Variants in ATAD2 observed in about 807,000 individuals in gnomAD.
ATAD2 encodes the protein ATPase family AAA domain containing 2.
Under a neutral mutation model 168.9 loss-of-function variants are expected in ATAD2, and 62 were observed. That is an observed-to-expected ratio of 0.37 (90% CI 0.30 to 0.45). The LOEUF (loss-of-function observed/expected upper bound fraction) is 0.45, where lower values mean the gene tolerates loss of function less well. ATAD2 is among the 20% of genes least tolerant of loss of function. ATAD2 has a pLI of 1.00. For missense variants in ATAD2, 1,419 were observed against 1,667.8 expected, an observed-to-expected ratio of 0.85 and a Z score of 2.60; for synonymous variants, 613 against 571.6, an observed-to-expected ratio of 1.07 and a Z score of -1.03.
intron 1 of ATAD2, among the ~76,000 whole-genome samples, chr8:123,390,946 C>T (rs891390443): frequency 2.6e-5 from 4 of 151,870 alleles, no homozygotes; most frequent in East Asian, 1.9e-4. Context: ...CTTGAATCCA[C>T]GAGGCAGAGG....
Position 123,348,115 on chromosome 8 carries a change from CTAATA to C in ATAD2, c.1897+63_1897+67del, listed in dbSNP as rs781196581. ...AAACCACAATTACTTTTGCACCAACCTAATATAACTTGTTTCATATTTGAAATAAA... is the reference window on the plus strand; with the variant it reads ...AAACCACAATTACTTTTGCACCAACCTAACTTGTTTCATATTTGAAATAAA... On this transcript the variant is annotated intron_variant, in intron 15 of 27. Transcript: ENST00000287394. 8.1e-5 allele frequency: 105 copies of C among 1,293,248 alleles called. 1 individual carries two copies. In the South Asian group the frequency reaches 1.4e-3, roughly 17 times the overall value. The allele number at this position is 1,293,248 out of a possible 1,614,324, so 80.1% of individuals were successfully genotyped here. A position where few individuals can be genotyped will look rare whatever the true frequency, so the allele number is the denominator to read the frequency against.
chr8:123,398,692 A>T (rs1812959140), upstream of ATAD2, among the ~76,000 whole-genome samples: 1 of 151,628 alleles, frequency 6.6e-6, no homozygotes, highest in Non-Finnish European at 1.5e-5. Context: ...GTTTTTAGAG[A>T]CGGGGTCTCA....
At position 123,356,351 on chromosome 8, in the gene ATAD2, T is replaced by C. The variant is rs187059966; in HGVS notation, c.1646+38A>G. On this transcript the variant is annotated intron_variant, in intron 13 of 27. Transcript: ENST00000287394. Reference sequence around the variant, plus strand: ...TCACACATCAATACCACTCAGGAAATAGGAAGAAACGTTGAAGTGCCATCA... The same window carrying C: ...TCACACATCAATACCACTCAGGAAACAGGAAGAAACGTTGAAGTGCCATCA... 6.5e-5 allele frequency: 98 copies of C among 1,517,960 alleles called. 1 individual carries two copies. The African/African-American group carries it at 1.1e-3, about 17-fold the overall frequency. The allele number at this position is 1,517,960 out of a possible 1,614,324, so 94.0% of individuals were successfully genotyped here.
intron 1 of ATAD2, among the ~76,000 whole-genome samples, chr8:123,409,581 C>A (rs1033896507): frequency 6.6e-6 from 1 of 152,054 alleles, no homozygotes; most frequent in Non-Finnish European, 1.5e-5. Context: ...CAGCTTTGAT[C>A]GCCTGGGCTC....
At chr8:123,335,640 G>C (rs556862615) in intron 22 of ATAD2, among the ~76,000 whole-genome samples, 1 of 152,132 alleles carries the variant, frequency 6.6e-6, no homozygotes, top group Non-Finnish European at 1.5e-5. Flanking sequence ...AAATGGACAA[G>C]CTGCAGAACA....
At chr8:123,394,746 A>G (rs552185870) in intron 1 of ATAD2, among the ~76,000 whole-genome samples, 125 of 152,368 alleles carry the variant, frequency 8.2e-4, no homozygotes, top group African/African-American at 2.4e-3. Context: ...ATCAGTATTG[A>G]AACACATTTT....
At chr8:123,339,191 T>C (rs1359286752) in intron 20 of ATAD2, 120 bp downstream of exon 20, 2 of 857,896 alleles carry the variant, frequency 2.3e-6, no homozygotes, top group Non-Finnish European at 3.5e-6. Flanking sequence ...AAGCAGCAGA[T>C]GCATCAACCT....
chr8:123,374,911 A>G (rs1380284710), intron 2 of ATAD2, among the ~76,000 whole-genome samples: 2 of 152,192 alleles, frequency 1.3e-5, no homozygotes, highest in Non-Finnish European at 2.9e-5. Context: ...AAGTATGTAG[A>G]TCGTACCCTC....
chr8:123,401,445 C>T (rs1448159764), upstream of ATAD2: 2 of 1,453,138 alleles, frequency 1.4e-6, no homozygotes, highest in Non-Finnish European at 1.9e-6. Context: ...TTACGTCAAA[C>T]AGAAGTACTC....
intron 1 of ATAD2, among the ~76,000 whole-genome samples, chr8:123,405,343 G>A (rs1355328574): frequency 2.7e-5 from 4 of 149,640 alleles, no homozygotes; most frequent in African/African-American, 9.8e-5. Flanking sequence ...TGCAACCTCT[G>A]CTTCCCAGGC....
intron 1 of ATAD2, among the ~76,000 whole-genome samples, chr8:123,391,050 A>G (rs1431011309): frequency 2.0e-5 from 3 of 151,984 alleles, no homozygotes; most frequent in African/African-American, 7.2e-5. Flanking sequence ...AAAGTAATGT[A>G]CGATCATCAT....
intron 27 of ATAD2, among the ~76,000 whole-genome samples, chr8:123,321,655 A>G (rs566956126): frequency 3.9e-4 from 59 of 152,224 alleles, no homozygotes; most frequent in Middle Eastern, 3.4e-3. Flanking sequence ...TAATAAGGCC[A>G]GGCATGGTGG....
In ATAD2 at chr8:123,369,113, T is replaced by C; in HGVS notation, c.994A>G (p.Arg332Gly). The C allele has an allele frequency of 5.0e-6, 8 of 1,598,150 alleles. No homozygotes were observed. Among genetic ancestry groups the C allele is most frequent in the South Asian group, 1.1e-5 (1 of 88,952 alleles). ...GGTCCTGCGGAAGATAATCGGTATC[T>C]TGGTCTTGCAGGAGAAGCTGGGCCA... is the stretch of plus-strand genomic sequence containing the variant. ...YSGPASPARP[R>G]YRLSSAGPRS... The change falls in exon 8 of 28, where the codon AGA becomes GGA. Residue 332 changes from arginine to glycine, a missense_variant. Physicochemically the swap from Arg to Gly is moderately radical, Grantham distance 125. This residue lies in a region of ATAD2 where 419 missense variants were observed against 423.5 expected (regional missense o/e 0.99). Coordinates refer to ENST00000287394, the MANE Select transcript of ATAD2 (RefSeq NM_014109.4).
chr8:123,372,769 T>C (rs945269543), intron 2 of ATAD2, 83 bp from the exon 3 acceptor site: 1 of 1,173,266 alleles, frequency 8.5e-7, no homozygotes, highest in Non-Finnish European at 1.2e-6. Flanking sequence ...CACTCCATCG[T>C]CCAACAGGAG....
intron 2 of ATAD2, among the ~76,000 whole-genome samples, chr8:123,373,192 G>A (rs975472158): frequency 1.3e-5 from 2 of 150,920 alleles, no homozygotes; most frequent in African/African-American, 4.9e-5. Context: ...ACGCCTGGCC[G>A]CTAACTTTTA....
At chr8:123,401,679 T>A in intron 1 of ATAD2, 1 of 782,144 alleles carries the variant, frequency 1.3e-6, no homozygotes, top group African/African-American at 1.7e-5. Context: ...ATCCTGACTG[T>A]GGGGCACGTC....
intron 1 of ATAD2, chr8:123,401,931 T>C (rs746173050): frequency 2.5e-6 from 2 of 790,852 alleles, no homozygotes; most frequent in Non-Finnish European, 4.6e-6. Flanking sequence ...ATTCAGAAGT[T>C]TGTGCCCTAC....
At chr8:123,323,162 C>CA in intron 26 of ATAD2, 96 bp from the exon 27 acceptor site, 1 of 1,348,522 alleles carries the variant, frequency 7.4e-7, no homozygotes, top group Non-Finnish European at 1.0e-6. Context: ...ACAAGCCTGA[C>CA]AGAGGGTAGA....
At chr8:123,397,773 G>A (rs1586911453), upstream of ATAD2, among the ~76,000 whole-genome samples, 1 of 152,152 alleles carries the variant, frequency 6.6e-6, no homozygotes. Flanking sequence ...AAGTTTTAAA[G>A]TGGCAAGCAT....
Sources: gnomAD v4.1 joint callset for allele counts (sites outside exome capture counted in the v4.1 genomes callset) on GRCh38, gnomAD v4.1.1 for gene constraint, gnomAD v4.1.1 regional missense constraint, MANE v1.5 for transcripts, NCBI Gene and HGNC (gene_info 2026-07-23, HGNC 2026-07-21) for gene names.